The following SLC44A5 variants were observed in gnomAD, a reference collection of about 807,000 sequenced individuals.
SLC44A5 encodes choline transporter-like protein 5.
A neutral mutation model predicts 101.8 loss-of-function variants in SLC44A5; 57 were observed. The ratio of observed to expected loss-of-function variants is 0.56; its 90% CI spans 0.45 to 0.70. The LOEUF (loss-of-function observed/expected upper bound fraction) is 0.70. SLC44A5 is among the 30% of genes least tolerant of loss of function. The pLI is 0.00. For missense variants in SLC44A5, 737 were observed against 853.1 expected (o/e 0.86, Z 1.70); for synonymous variants, 281 against 290.9 (o/e 0.97, Z 0.35).
chr1:75,620,788 C>T, the SLC44A5 span, among the ~76,000 whole-genome samples: 2 of 152,180 alleles, frequency 1.3e-5, no homozygotes, highest in African/African-American at 4.8e-5. Flanking sequence ...GTTGCCTTTG[C>T]ACTCTGATGA....
At chr1:75,618,434 C>T in the SLC44A5 span, among the ~76,000 whole-genome samples, 3 of 152,316 alleles carry the variant, frequency 2.0e-5, no homozygotes, top group East Asian at 3.9e-4. Context: ...CCCTATAGCC[C>T]ACACTGTGTG....
intron 6 of SLC44A5, among the ~76,000 whole-genome samples, chr1:75,253,267 C>A (rs1235134664): frequency 1.3e-5 from 2 of 152,174 alleles, no homozygotes; most frequent in African/African-American, 4.8e-5. Context: ...ACTCCAAGTT[C>A]TTTGGCAGAG....
At chr1:75,247,373 A>G (rs1649198934) in intron 7 of SLC44A5, among the ~76,000 whole-genome samples, 1 of 152,064 alleles carries the variant, frequency 6.6e-6, no homozygotes, top group Admixed American at 6.6e-5. Context: ...GAGATTAGGA[A>G]TTCAGTTGTG....
chr1:75,611,833 A>G (rs1404434719), upstream of SLC44A5, among the ~76,000 whole-genome samples: 2 of 151,688 alleles, frequency 1.3e-5, no homozygotes, highest in African/African-American at 4.8e-5. Flanking sequence ...CCTTCCAAAC[A>G]TCACTCTTCT....
chr1:75,684,437 G>C, the SLC44A5 span, among the ~76,000 whole-genome samples: 1 of 152,112 alleles, frequency 6.6e-6, no homozygotes, highest in African/African-American at 2.4e-5. Context: ...AACAAGGCAA[G>C]TTCCTTATAC....
chr1:75,465,634 T>C (rs1167700076), intron 2 of SLC44A5, among the ~76,000 whole-genome samples: 1 of 151,840 alleles, frequency 6.6e-6, no homozygotes, highest in Admixed American at 6.6e-5. Flanking sequence ...GACAAACCTT[T>C]ATCCAGACTA....
At chr1:75,344,337 GACACT>G (rs2101046502) in intron 3 of SLC44A5, among the ~76,000 whole-genome samples, 1 of 152,258 alleles carries the variant, frequency 6.6e-6, no homozygotes, top group African/African-American at 2.4e-5. Context: ...TTGAGCTTAG[GACACT>G]ATAATACAGG....
chr1:75,347,423 AACTAC>A (rs1658326235), intron 3 of SLC44A5, among the ~76,000 whole-genome samples: 1 of 152,010 alleles, frequency 6.6e-6, no homozygotes, highest in South Asian at 2.1e-4. Context: ...AACAAATAAA[AACTAC>A]AGGTGGAGTA....
chr1:75,267,631 A>G (rs1456489513), intron 6 of SLC44A5, among the ~76,000 whole-genome samples: 1 of 151,984 alleles, frequency 6.6e-6, no homozygotes. Flanking sequence ...GTTCACTGCA[A>G]CCTCCACCTC....
chr1:75,695,892 T>A, the SLC44A5 span, among the ~76,000 whole-genome samples: 1 of 151,018 alleles, frequency 6.6e-6, no homozygotes, highest in Non-Finnish European at 1.5e-5. Flanking sequence ...CAAAGTTAAT[T>A]TCCTGACATT....
At chr1:75,545,809 A>G (rs950897714) in intron 1 of SLC44A5, among the ~76,000 whole-genome samples, 3 of 134,862 alleles carry the variant, frequency 2.2e-5, no homozygotes, top group African/African-American at 5.6e-5. Context: ...TTAATTAACC[A>G]TTCTTTTTTC....
At chr1:75,549,659 A>G (rs1030057188) in intron 1 of SLC44A5, among the ~76,000 whole-genome samples, 2 of 152,172 alleles carry the variant, frequency 1.3e-5, no homozygotes, top group Non-Finnish European at 2.9e-5. Flanking sequence ...CAGATTGTAA[A>G]TGGTACACAG....
At chr1:75,508,582 C>T (rs1026380697) in intron 2 of SLC44A5, among the ~76,000 whole-genome samples, 1 of 151,582 alleles carries the variant, frequency 6.6e-6, no homozygotes, top group African/African-American at 2.4e-5. Context: ...AAAGGATAAA[C>T]ATGTTTGATA....
chr1:75,616,125 C>T, the SLC44A5 span, among the ~76,000 whole-genome samples: 1 of 151,990 alleles, frequency 6.6e-6, no homozygotes, highest in South Asian at 2.1e-4. Context: ...CTGCTGTGGA[C>T]GCGGTGGCTG....
the SLC44A5 span, among the ~76,000 whole-genome samples, chr1:75,646,107 C>T: frequency 7.4e-5 from 10 of 135,052 alleles, no homozygotes; most frequent in African/African-American, 2.2e-4. Context: ...ATTGACTTGG[C>T]AATATGGGCT....
chr1:75,462,264 A>G (rs1032126139), intron 2 of SLC44A5, among the ~76,000 whole-genome samples: 1 of 152,232 alleles, frequency 6.6e-6, no homozygotes, highest in African/African-American at 2.4e-5. Context: ...GAATTCTCCC[A>G]GTGCTTGTCC....
chr1:75,502,372 T>C (rs953096450), intron 2 of SLC44A5, among the ~76,000 whole-genome samples: 1 of 152,202 alleles, frequency 6.6e-6, no homozygotes, highest in East Asian at 1.9e-4. Context: ...CATTTTTGCC[T>C]GTATATCTGG....
intron 4 of SLC44A5, among the ~76,000 whole-genome samples, chr1:75,326,267 T>A (rs979626867): frequency 6.6e-6 from 1 of 151,626 alleles, no homozygotes; most frequent in Admixed American, 6.6e-5. Context: ...TACTGCTTTT[T>A]TTTTTTTTCT....
At chr1:75,520,054 T>C (rs180903392) in intron 2 of SLC44A5, among the ~76,000 whole-genome samples, 88 of 152,382 alleles carry the variant, frequency 5.8e-4, no homozygotes, top group East Asian at 3.3e-3. Flanking sequence ...CCCATTTTTA[T>C]CACACTCTGA....
Sources: gnomAD v4.1 joint callset for allele counts (sites outside exome capture counted in the v4.1 genomes callset) on GRCh38, gnomAD v4.1.1 for gene constraint, MANE v1.5 for transcripts, NCBI Gene and HGNC (gene_info 2026-07-23, HGNC 2026-07-21) for gene names.